SKIC3: variants seen among roughly 807,000 people sequenced by gnomAD.
SKIC3 encodes the protein superkiller complex protein 3.
At chr5:95,523,224 G>A in the SKIC3 span, 1 of 1,613,804 alleles carries the variant, frequency 6.2e-7, no homozygotes, top group Non-Finnish European at 8.5e-7. Flanking sequence ...TGAGAATGCT[G>A]ACCAGCTTTC....
chr5:95,512,496 A>G, the SKIC3 span: 7 of 1,613,938 alleles, frequency 4.3e-6, no homozygotes, highest in Non-Finnish European at 5.9e-6. Context: ...TATTCAAAAT[A>G]ACTTGTGCTG....
At chr5:95,518,532 C>A in the SKIC3 span, among the ~76,000 whole-genome samples, 1 of 151,206 alleles carries the variant, frequency 6.6e-6, no homozygotes, top group Non-Finnish European at 1.5e-5. Flanking sequence ...TTTTTTTTAG[C>A]TTCCACATAT....
chr5:95,468,564 C>A, the SKIC3 span, among the ~76,000 whole-genome samples: 1 of 152,132 alleles, frequency 6.6e-6, no homozygotes, highest in Non-Finnish European at 1.5e-5. Context: ...TCCTAATTTA[C>A]TAACATCTAT....
At chr5:95,552,528 G>A in the SKIC3 span, among the ~76,000 whole-genome samples, 461 of 152,156 alleles carry the variant, frequency 3.0e-3, 3 homozygotes, top group Non-Finnish European at 3.8e-3. Context: ...ACAAAAAAAT[G>A]AGTGACTGAG....
chr5:95,489,269 T>C, the SKIC3 span, among the ~76,000 whole-genome samples: 1 of 151,538 alleles, frequency 6.6e-6, no homozygotes, highest in African/African-American at 2.4e-5. Context: ...CAAGACCTCA[T>C]CTCTTAAAAA....
the SKIC3 span, chr5:95,547,101 AT>A: frequency 3.1e-6 from 5 of 1,613,298 alleles, no homozygotes; most frequent in Non-Finnish European, 4.2e-6. Flanking sequence ...TTTGTTTCTG[AT>A]TGCATCTCTA....
chr5:95,496,009 A>T, the SKIC3 span, among the ~76,000 whole-genome samples: 1 of 151,718 alleles, frequency 6.6e-6, no homozygotes, highest in Non-Finnish European at 1.5e-5. Flanking sequence ...AAATGCTAAC[A>T]ATTTCTTTCT....
chr5:95,470,736 C>T, the SKIC3 span, among the ~76,000 whole-genome samples: 2 of 151,866 alleles, frequency 1.3e-5, no homozygotes, highest in Non-Finnish European at 2.9e-5. Context: ...TACTTTATGG[C>T]TAAGATATTA....
the SKIC3 span, among the ~76,000 whole-genome samples, chr5:95,537,666 A>G: frequency 6.6e-6 from 1 of 152,162 alleles, no homozygotes; most frequent in Non-Finnish European, 1.5e-5. Context: ...AGAACATTCC[A>G]TCACTTCTCT....
At chr5:95,522,250 T>A in the SKIC3 span, 2 of 1,613,754 alleles carry the variant, frequency 1.2e-6, no homozygotes, top group South Asian at 2.2e-5. Flanking sequence ...AGTATGCTTC[T>A]CCTAACGATT....
At chr5:95,509,707 T>G in the SKIC3 span, 1 of 1,526,738 alleles carries the variant, frequency 6.5e-7, no homozygotes, top group Non-Finnish European at 9.1e-7. Context: ...GAGAAATATC[T>G]TCATTTTAAA....
the SKIC3 span, among the ~76,000 whole-genome samples, chr5:95,515,486 A>AT: frequency 9.2e-5 from 14 of 152,062 alleles, no homozygotes; most frequent in East Asian, 2.7e-3. Flanking sequence ...GCTTTATACT[A>AT]TTTTCTCAAC....
the SKIC3 span, among the ~76,000 whole-genome samples, chr5:95,533,296 T>G: frequency 5.6e-3 from 852 of 152,284 alleles, 2 homozygotes; most frequent in Non-Finnish European, 9.6e-3. Flanking sequence ...ACATTTGTTC[T>G]CAGTGGAGGA....
the SKIC3 span, chr5:95,516,586 C>A: frequency 1.2e-6 from 2 of 1,613,214 alleles, no homozygotes; most frequent in Non-Finnish European, 1.7e-6. Context: ...ATTTCCAATA[C>A]CTGAAAAATA....
At chr5:95,542,456 T>A in the SKIC3 span, among the ~76,000 whole-genome samples, 1 of 152,110 alleles carries the variant, frequency 6.6e-6, no homozygotes, top group Non-Finnish European at 1.5e-5. Context: ...AGATTTAATT[T>A]TAAGATCTAT....
chr5:95,514,423 A>G, the SKIC3 span, among the ~76,000 whole-genome samples: 2 of 152,332 alleles, frequency 1.3e-5, no homozygotes, highest in East Asian at 3.9e-4. Flanking sequence ...CAAGTGACAA[A>G]CCAAATATGA....
chr5:95,514,466 C>T, the SKIC3 span, among the ~76,000 whole-genome samples: 1 of 152,092 alleles, frequency 6.6e-6, no homozygotes, highest in African/African-American at 2.4e-5. Context: ...TCAAAATGAT[C>T]TTTGTAAATG....
chr5:95,513,719 TAGA>T, the SKIC3 span: 2 of 1,431,564 alleles, frequency 1.4e-6, no homozygotes, highest in Non-Finnish European at 9.8e-7. Context: ...TGAAACTGTC[TAGA>T]AGAACCAAAG....
the SKIC3 span, among the ~76,000 whole-genome samples, chr5:95,542,416 G>C: frequency 2.0e-5 from 3 of 152,080 alleles, no homozygotes; most frequent in Non-Finnish European, 2.9e-5. Flanking sequence ...AGTTACCACT[G>C]GTGGCGGGGG....
Sources: allele counts gnomAD v4.1 joint callset (sites outside exome capture counted in the v4.1 genomes callset), GRCh38; gene constraint gnomAD v4.1.1; transcripts MANE v1.5; gene names NCBI Gene and HGNC (gene_info 2026-07-23, HGNC 2026-07-21).